Variants in MED23 observed in about 807,000 individuals in gnomAD.
MED23 encodes the protein mediator complex subunit 23.
Under a neutral mutation model 163.9 loss-of-function variants are expected in MED23, and 105 were observed. The observed-to-expected ratio is 0.64, with a 90% CI of 0.55 to 0.75. MED23 has a LOEUF of 0.75. Ranked by LOEUF, MED23 falls within the 30% of genes least tolerant of loss-of-function variation. The pLI is 0.00. For missense variants in MED23, 1,054 were observed against 1,649.0 expected, an observed-to-expected ratio of 0.64 and a Z score of 6.25; for synonymous variants, 561 against 565.6, an observed-to-expected ratio of 0.99 and a Z score of 0.12.
chr6:131,582,544 A>C, downstream of MED23: 3 of 1,077,126 alleles, frequency 2.8e-6, no homozygotes, highest in Non-Finnish European at 4.3e-6. Flanking sequence ...ACGCAATCCA[A>C]TATGTGTCTT....
intron 22 of MED23, 75 bp downstream of exon 22, chr6:131,595,872 A>C: frequency 2.7e-6 from 3 of 1,094,410 alleles, no homozygotes; most frequent in Non-Finnish European, 4.2e-6. Context: ...TAGAGCCACT[A>C]TTACCATGTG....
chr6:131,615,206 A>G, intron 10 of MED23: 1 of 1,152,372 alleles, frequency 8.7e-7, no homozygotes, highest in South Asian at 1.4e-5. Context: ...CCTTGGTCTC[A>G]GCATGGTCCT....
intron 24 of MED23, 43 bp from the exon 25 acceptor site, chr6:131,592,503 C>G: frequency 6.6e-7 from 1 of 1,509,250 alleles, no homozygotes; most frequent in Non-Finnish European, 9.2e-7. Flanking sequence ...TTTATAAAAA[C>G]ATTTTAGATG....
In MED23 at chr6:131,628,087, A is replaced by T; in HGVS notation, c.-38T>A. The T allele has an allele frequency of 6.2e-7, 1 of 1,613,010 alleles. No homozygotes were observed. The highest frequency in any genetic ancestry group is 1.1e-5 in the South Asian group (1 of 91,068). On this transcript the variant is annotated 5_prime_UTR_variant, in exon 1 of 29. The change creates a new upstream start codon in the 5' untranslated region. Transcript: ENST00000368068. ...CCCCGCCTTTCCAGGGTGCCCGGCA[A>T]GGCCCGGATCAGACTCGAGCTCTGG...
chr6:131,614,340 G>C (rs772653212), intron 10 of MED23, among the ~76,000 whole-genome samples: 1 of 152,166 alleles, frequency 6.6e-6, no homozygotes, highest in Non-Finnish European at 1.5e-5. Flanking sequence ...CTTAAAAATA[G>C]GGCTTTATAA....
At chr6:131,607,559 A>G (rs1347638944) in intron 12 of MED23, among the ~76,000 whole-genome samples, 1 of 152,094 alleles carries the variant, frequency 6.6e-6, no homozygotes, top group Non-Finnish European at 1.5e-5. Context: ...AACAACAACA[A>G]CAACAACAAT....
intron 30 of MED23, among the ~76,000 whole-genome samples, chr6:131,578,484 T>C (rs1470342876): frequency 1.3e-5 from 2 of 152,154 alleles, no homozygotes; most frequent in Non-Finnish European, 1.5e-5. Flanking sequence ...TTACCTGCAA[T>C]TTTTCCTTAC....
downstream of MED23, chr6:131,583,005 C>G: frequency 8.0e-7 from 1 of 1,249,034 alleles, no homozygotes; most frequent in Non-Finnish European, 1.1e-6. Flanking sequence ...TAAAAGGAGA[C>G]AGGCGGGCAC....
chr6:131,604,142 G>T (rs768865711), intron 15 of MED23, 36 bp downstream of exon 15: 3 of 1,566,978 alleles, frequency 1.9e-6, no homozygotes, highest in Non-Finnish European at 8.7e-7. Flanking sequence ...TAATGAATGG[G>T]TTAATAGTTA....
At position 131,591,204 on chromosome 6, in the gene MED23, G is replaced by A. The variant is rs112539007; in HGVS notation, c.3686+109C>T. ...AATGTTGGCCAGGATGGTCTCAATC[G>A]CCTGACCTTGTGATCTGCCCACCTC... On this transcript the variant is annotated intron_variant, in intron 26 of 28. Coordinates refer to ENST00000368068, the MANE Select transcript of MED23 (RefSeq NM_004830.4). The A allele has an allele frequency of 0.011, 8,937 of 786,658 alleles. 434 individuals carry two copies. In the African/African-American group the frequency reaches 0.12, roughly 10 times the overall value. 48.7% of individuals were successfully genotyped at this position (786,658 alleles called of 1,614,324 possible).
intron 10 of MED23, chr6:131,615,269 A>G (rs998832673): frequency 4.6e-5 from 73 of 1,596,574 alleles, no homozygotes; most frequent in Non-Finnish European, 6.2e-5. Flanking sequence ...ATCAGTGGCT[A>G]CAAAGCGGCC....
At position 131,594,229 on chromosome 6, in the gene MED23, C is replaced by T; in HGVS notation, c.3102G>A (p.Leu1034=). 2 of 1,614,156 alleles carry T rather than the reference C, an allele frequency of 1.2e-6. No homozygotes were observed. Among genetic ancestry groups the T allele is most frequent in the Non-Finnish European group, 1.7e-6 (2 of 1,180,026 alleles). ...RKLVHAIIGS[L]KDNRPQGWCL... is the part of the protein sequence containing the mutation. ...ACCAGCCCTGCGGTCGATTATCCTT[C>T]AGAGAGCCAATGATCGCATGGACGA... is the stretch of plus-strand genomic sequence containing the variant. Residue 1034 remains leucine (L), a synonymous_variant, in exon 23 of 29, where the codon CTG becomes CTA. Coordinates refer to ENST00000368068, the MANE Select transcript of MED23 (RefSeq NM_004830.4).
In MED23 at chr6:131,620,721, T is replaced by C. The variant is rs1777035121; in HGVS notation, c.504A>G (p.Ala168=). The change falls in exon 7 of 29, where the codon GCA becomes GCG. Residue 168 remains alanine, a synonymous_variant. Transcript: ENST00000368068. ...AGCAGGCATTTCTTTCCAAGATATA[T>C]GCTATAACCTAAGAAAAACAAAAAG... The part of the protein sequence containing the change: ...QQLLAAREVI[A]YILERNACLL... 2 of 1,608,574 alleles carry C rather than the reference T, an allele frequency of 1.2e-6. No individual in the cohort carries two copies. The highest frequency in any genetic ancestry group is 1.7e-6 in the Non-Finnish European group (2 of 1,175,292).
chr6:131,582,668 C>T (rs1171036648), downstream of MED23: 1 of 1,613,794 alleles, frequency 6.2e-7, no homozygotes, highest in South Asian at 1.1e-5. Flanking sequence ...GTATATCTGC[C>T]AAGGATATTG....
rs995950175 is a variant in MED23 at position 131,587,589 on chromosome 6, A to C, written c.*90T>G. 4 of 1,595,038 alleles carry C rather than the reference A, an allele frequency of 2.5e-6. No homozygotes were observed. The highest frequency in any genetic ancestry group is 3.4e-6 in the Non-Finnish European group (4 of 1,170,018). ...ATATCATCACTGCTTCTACTATATC[A>C]CTACAGTGTGATCGCATTCAGATTT... is the stretch of plus-strand genomic sequence containing the variant. On this transcript the variant is annotated 3_prime_UTR_variant, in exon 29 of 29. Transcript: ENST00000368068.
chr6:131,598,159 G>A lies in MED23; in HGVS notation c.2607+128C>T. ...AAAATTTCCGGCTCTTTAGGGAAGT[G>A]ACAGCAATGCTTGATATAGTATAAA... On this transcript the variant is annotated intron_variant, in intron 20 of 28. Coordinates refer to ENST00000368068, the MANE Select transcript of MED23 (RefSeq NM_004830.4). The surrounding 1 kb of genome is among the most constrained non-coding windows in gnomAD (Gnocchi z 4.7). The A allele has an allele frequency of 3.1e-6, 3 of 955,224 alleles. No individual in the cohort carries two copies. In the South Asian group the frequency reaches 4.6e-5, roughly 15 times the overall value. The allele number at this position is 955,224 out of a possible 1,614,324, so 59.2% of individuals were successfully genotyped here.
intron 30 of MED23, among the ~76,000 whole-genome samples, chr6:131,576,034 G>A (rs1773595820): frequency 6.6e-6 from 1 of 152,092 alleles, no homozygotes; most frequent in African/African-American, 2.4e-5. Context: ...TCGTTCCCTT[G>A]GTTTGCAGAG....
At chr6:131,604,450 T>G in intron 14 of MED23, 130 bp from the exon 15 acceptor site, 1 of 1,045,018 alleles carries the variant, frequency 9.6e-7, no homozygotes, top group Non-Finnish European at 1.4e-6. Context: ...TCATTTAATG[T>G]GTTTAAGCTG....
At position 131,603,207 on chromosome 6, in the gene MED23, G is replaced by T. The variant is rs1457450367; in HGVS notation, c.1757-3C>A. Reference sequence around the variant, plus strand: ...GAAAACAGTTGGCAAAAGCTGACCTGGAGGAAAAAGACAATTTAAGGTACC... The same window carrying T: ...GAAAACAGTTGGCAAAAGCTGACCTTGAGGAAAAAGACAATTTAAGGTACC... On this transcript the variant is annotated splice_polypyrimidine_tract_variant and splice_region_variant and intron_variant, in intron 15 of 28. Coordinates refer to ENST00000368068, the MANE Select transcript of MED23 (RefSeq NM_004830.4). The T allele has an allele frequency of 3.7e-6, 6 of 1,613,628 alleles. No individual in the cohort carries two copies. The highest frequency in any genetic ancestry group is 4.2e-6 in the Non-Finnish European group (5 of 1,179,706).
Sources: gnomAD v4.1 joint callset for allele counts (sites outside exome capture counted in the v4.1 genomes callset) on GRCh38, gnomAD v4.1.1 for gene constraint, Gnocchi (gnomAD v3.1) non-coding constraint, MANE v1.5 for transcripts, NCBI Gene and HGNC (gene_info 2026-07-23, HGNC 2026-07-21) for gene names.